PKNOX2: variants seen among roughly 807,000 people sequenced by gnomAD.
The protein encoded by PKNOX2 is homeobox protein PKNOX2.
PKNOX2 carries 14 observed loss-of-function variants against 53.1 expected under a neutral mutation model. The ratio of observed to expected loss-of-function variants is 0.26; its 90% CI spans 0.17 to 0.41. PKNOX2 has a LOEUF of 0.41. PKNOX2 is among the 10% of genes least tolerant of loss of function. PKNOX2 has a pLI of 1.00. For synonymous variants in PKNOX2, 257 were observed against 242.8 expected (o/e 1.06, Z -0.54); for missense variants, 496 against 602.8 (o/e 0.82, Z 1.85).
chr11:125,192,615 A>C (rs749128006), intron 1 of PKNOX2, among the ~76,000 whole-genome samples: 1 of 152,130 alleles, frequency 6.6e-6, no homozygotes, highest in Non-Finnish European at 1.5e-5. Flanking sequence ...CCCTTTATTG[A>C]GTGTGGGGTG....
At chr11:125,318,673 A>G (rs368874044) in intron 2 of PKNOX2, among the ~76,000 whole-genome samples, 9 of 152,290 alleles carry the variant, frequency 5.9e-5, no homozygotes, top group East Asian at 5.8e-4. Context: ...TGGCTGTTTG[A>G]CACAAAGGCC....
chr11:125,312,272 T>A (rs532911179), intron 2 of PKNOX2, among the ~76,000 whole-genome samples: 433 of 152,218 alleles, frequency 2.8e-3, no homozygotes, highest in South Asian at 0.019. Flanking sequence ...AAAAAATTCT[T>A]TTGGATGAAA....
chr11:125,271,433 G>T (rs760454030), intron 2 of PKNOX2, among the ~76,000 whole-genome samples: 3 of 152,186 alleles, frequency 2.0e-5, no homozygotes, highest in Non-Finnish European at 2.9e-5. Context: ...TTCTTGAATA[G>T]ACTTCCTCCC....
chr11:125,185,759 T>G (rs918238958), intron 1 of PKNOX2, among the ~76,000 whole-genome samples: 1 of 152,244 alleles, frequency 6.6e-6, no homozygotes, highest in Non-Finnish European at 1.5e-5. Context: ...TTCACCTGTT[T>G]ATAGACATGT....
chr11:125,365,027 G>A (rs1298049515), intron 4 of PKNOX2, among the ~76,000 whole-genome samples: 1 of 152,038 alleles, frequency 6.6e-6, no homozygotes, highest in East Asian at 1.9e-4. Context: ...GTATTATTTA[G>A]GTTGTCTCCT....
chr11:125,292,967 G>A (rs11605040), intron 2 of PKNOX2, among the ~76,000 whole-genome samples: 1 of 151,978 alleles, frequency 6.6e-6, no homozygotes, highest in Non-Finnish European at 1.5e-5. Context: ...AGCGTCGCAG[G>A]CAGCCTGGAC....
In PKNOX2 at chr11:125,227,838, G is replaced by A. The variant is rs546730610; in HGVS notation, c.-200-7207G>A. 7.2e-5 allele frequency among the ~76,000 whole-genome samples: 11 copies of A among 152,344 alleles called. No individual in the cohort carries two copies. In the South Asian group the frequency reaches 1.4e-3, roughly 20 times the overall value. ...CATTTTCTTCATTAACGCCGTTTGA[G>A]CAACTACTGACCTCACTGGGTCTGT... On this transcript the variant is annotated intron_variant, in intron 1 of 12. Transcript: ENST00000298282.
At chr11:125,303,881 T>C (rs943537110) in intron 2 of PKNOX2, among the ~76,000 whole-genome samples, 3 of 152,332 alleles carry the variant, frequency 2.0e-5, no homozygotes, top group East Asian at 1.9e-4. Flanking sequence ...TATGTTTGCA[T>C]GTCCATTGCA....
At chr11:125,390,961 T>C (rs1265246855) in intron 6 of PKNOX2, among the ~76,000 whole-genome samples, 1 of 152,236 alleles carries the variant, frequency 6.6e-6, no homozygotes, top group African/African-American at 2.4e-5. Context: ...TTCCAAATGG[T>C]CAGGCCAAGC....
intron 2 of PKNOX2, among the ~76,000 whole-genome samples, chr11:125,321,577 A>T (rs1306609670): frequency 6.6e-6 from 1 of 152,238 alleles, no homozygotes; most frequent in African/African-American, 2.4e-5. Flanking sequence ...AGTTGGTTGA[A>T]TCAGCAGATG....
Position 125,165,885 on chromosome 11 carries a change from G to A in PKNOX2, c.-201+1109G>A, listed in dbSNP as rs1257276093. On this transcript the variant is annotated intron_variant, in intron 1 of 12. Coordinates refer to ENST00000298282, the MANE Select transcript of PKNOX2 (RefSeq NM_001382323.2). The surrounding 1 kb of genome is among the most constrained non-coding windows in gnomAD (Gnocchi z 4.5). ...CCGCTCAAAGTTTGCATTTCTTTCG[G>A]GTTAGGAGACGGGCTTTCCTGGCTC... Among the ~76,000 whole-genome samples the A allele has an allele frequency of 6.6e-6, 1 of 152,196 alleles. No homozygotes were observed. The highest frequency in any genetic ancestry group is 1.5e-5 in the Non-Finnish European group (1 of 68,036).
chr11:125,288,395 A>G (rs1163513219), intron 2 of PKNOX2, among the ~76,000 whole-genome samples: 1 of 152,204 alleles, frequency 6.6e-6, no homozygotes, highest in Non-Finnish European at 1.5e-5. Flanking sequence ...TGTGCTGCCC[A>G]GGTTGAGAAC....
chr11:125,392,860 T>C (rs1954135197), intron 6 of PKNOX2, among the ~76,000 whole-genome samples: 1 of 151,926 alleles, frequency 6.6e-6, no homozygotes, highest in African/African-American at 2.4e-5. Flanking sequence ...CGTTTTTGTC[T>C]AGAAAAGAGA....
chr11:125,314,292 A>C (rs58441404), intron 2 of PKNOX2, among the ~76,000 whole-genome samples: 9,745 of 152,150 alleles, frequency 0.064, 367 homozygotes, highest in African/African-American at 0.11. Context: ...CCTCACTGCG[A>C]CATCACTTGC....
chr11:125,337,061 ATTG>A (rs1185852269), intron 3 of PKNOX2, among the ~76,000 whole-genome samples: 2 of 151,908 alleles, frequency 1.3e-5, no homozygotes, highest in African/African-American at 2.4e-5. Context: ...TGATTTTTAC[ATTG>A]TTAAGATTTA....
In PKNOX2 at chr11:125,351,322, C is replaced by T; in HGVS notation, c.17C>T (p.Ser6Phe). The T allele has an allele frequency of 2.5e-6, 4 of 1,604,112 alleles. No homozygotes were observed. Among genetic ancestry groups the T allele is most frequent in the Non-Finnish European group, 3.4e-6 (4 of 1,172,812 alleles). ...ATCAATCCCATGATGCAACATGCCT[C>T]CCCAGCCCCCGCTCTGACGATGATG... MMQHA[S>F]PAPALTMMAT... The change falls in exon 4 of 13, where the codon TCC becomes TTC. Residue 6 changes from serine (S) to phenylalanine (F), a missense_variant. Physicochemically the swap from Ser to Phe is radical, Grantham distance 155. Transcript: ENST00000298282.
At position 125,351,403 on chromosome 11, in the gene PKNOX2, AG is replaced by A. The variant is rs1951310408; in HGVS notation, c.87+15del. ...CAGGACAGCCCACAGGTGAGTGCGC[AG>A]GGGCCGCTGCCTCCCACCACGGGGG... On this transcript the variant is annotated intron_variant, in intron 4 of 12. Coordinates refer to ENST00000298282, the MANE Select transcript of PKNOX2 (RefSeq NM_001382323.2). 1 of 1,570,212 alleles carries A rather than the reference AG, an allele frequency of 6.4e-7. No individual in the cohort carries two copies. The highest frequency in any genetic ancestry group is 8.7e-7 in the Non-Finnish European group (1 of 1,143,872).
intron 5 of PKNOX2, among the ~76,000 whole-genome samples, chr11:125,371,009 G>C (rs1269057899): frequency 6.6e-6 from 1 of 152,220 alleles, no homozygotes; most frequent in Admixed American, 6.5e-5. Flanking sequence ...GTGACAAAGG[G>C]GAGGGAGCCT....
chr11:125,289,431 A>AGAAG (rs1201849987), intron 2 of PKNOX2, among the ~76,000 whole-genome samples: 1 of 152,230 alleles, frequency 6.6e-6, no homozygotes, highest in African/African-American at 2.4e-5. Flanking sequence ...TTGGGCATCT[A>AGAAG]GAAGGTATTC....
Sources: gnomAD v4.1 joint callset for allele counts (sites outside exome capture counted in the v4.1 genomes callset) on GRCh38, gnomAD v4.1.1 for gene constraint, Gnocchi (gnomAD v3.1) non-coding constraint, MANE v1.5 for transcripts, NCBI Gene and HGNC (gene_info 2026-07-23, HGNC 2026-07-21) for gene names.